Variants in PCLO observed in about 807,000 individuals in gnomAD.
The protein encoded by PCLO is piccolo presynaptic cytomatrix protein.
A neutral mutation model predicts 427.5 loss-of-function variants in PCLO; 82 were observed. The observed-to-expected ratio is 0.19, with a 90% CI of 0.16 to 0.23. PCLO has a LOEUF of 0.23. Among genes scored for constraint, PCLO ranks in the 10% least tolerant of loss-of-function variants. PCLO has a pLI of 1.00. For missense variants in PCLO, 6,239 were observed against 6,115.9 expected (o/e 1.02, Z -0.67); for synonymous variants, 2,357 against 2,155.4 (o/e 1.09, Z -2.59).
intron 22 of PCLO, among the ~76,000 whole-genome samples, chr7:82,767,195 G>C (rs138679861): frequency 3.3e-5 from 5 of 152,216 alleles, no homozygotes; most frequent in Non-Finnish European, 4.4e-5. Context: ...TTTATAATTT[G>C]GTTTGGATAA....
At chr7:83,037,078 G>C (rs1476704081) in intron 3 of PCLO, among the ~76,000 whole-genome samples, 1 of 152,066 alleles carries the variant, frequency 6.6e-6, no homozygotes, top group African/African-American at 2.4e-5. Context: ...GGAAAAACAG[G>C]AGTAGAAACA....
chr7:83,043,333 A>G (rs1421654786), intron 3 of PCLO, among the ~76,000 whole-genome samples: 1 of 152,204 alleles, frequency 6.6e-6, no homozygotes, highest in Non-Finnish European at 1.5e-5. Flanking sequence ...TTCAGTACAT[A>G]TAAATTCCTT....
chr7:83,012,338 C>A lies in PCLO; in HGVS notation c.3301-45851G>T, dbSNP rs370656895. On this transcript the variant is annotated intron_variant, in intron 3 of 24. Transcript: ENST00000333891. ...ATAATTGTTTTTAAGGAAAAGCCAG[C>A]CAGGTGCAGTGACTCATGCCTATAA... Among the ~76,000 whole-genome samples, 10 of 152,122 alleles carry A rather than the reference C, an allele frequency of 6.6e-5. No homozygotes were observed. In the East Asian group the frequency reaches 1.7e-3, roughly 27 times the overall value.
In PCLO at chr7:82,801,617, A is replaced by T. The variant is rs369680105; in HGVS notation, c.14934-26T>A. On this transcript the variant is annotated intron_variant, in intron 21 of 24. Coordinates refer to ENST00000333891, the MANE Select transcript of PCLO (RefSeq NM_033026.6). ...CTGTTTAGAAATAAAATAAAATGATATATTCAGTTATGATCTCATGAATGC... is the reference window on the plus strand; with the variant it reads ...CTGTTTAGAAATAAAATAAAATGATTTATTCAGTTATGATCTCATGAATGC... The T allele has an allele frequency of 2.9e-6, 4 of 1,365,860 alleles. No homozygotes were observed. The African/African-American group carries it at 5.7e-5, about 20-fold the overall frequency. The allele number at this position is 1,365,860 out of a possible 1,614,324, so 84.6% of individuals were successfully genotyped here.
rs529025905 is a variant in PCLO at position 82,777,552 on chromosome 7, A to G, written c.15008-16059T>C. 7.2e-5 allele frequency among the ~76,000 whole-genome samples: 11 copies of G among 152,302 alleles called. No homozygotes were observed. In the South Asian group the frequency reaches 2.3e-3, roughly 32 times the overall value. On this transcript the variant is annotated intron_variant, in intron 22 of 24. Coordinates refer to ENST00000333891, the MANE Select transcript of PCLO (RefSeq NM_033026.6). ...AACAGCATGGCACTGGTACAAACAC[A>G]TGGACCAATGGAACCGAATAGAGAG...
At chr7:82,927,766 T>C (rs1229530138) in intron 6 of PCLO, among the ~76,000 whole-genome samples, 2 of 152,202 alleles carry the variant, frequency 1.3e-5, no homozygotes, top group South Asian at 4.1e-4. Flanking sequence ...TAGGCACTTA[T>C]ATTGCATTCC....
rs201997147 is a variant in PCLO, at chr7:83,134,346, T to A, written c.3204A>T (p.Ile1068=). Residue 1068 remains isoleucine, a synonymous_variant, in exon 3 of 25, where the codon ATA becomes ATT. Transcript: ENST00000333891. ...TCPLCKTELN[I]GSKDPPNFNT... ...TGAAGTTAGGAGGATCCTTAGAACC[T>A]ATGTTGAGTTCAGTTTTGCAGAGAG... 3 of 1,612,554 alleles carry A rather than the reference T, an allele frequency of 1.9e-6. No individual in the cohort carries two copies. The African/African-American group carries it at 4.0e-5, about 22-fold the overall frequency.
chr7:82,851,390 G>T (rs1404648712), intron 10 of PCLO, among the ~76,000 whole-genome samples: 2 of 151,882 alleles, frequency 1.3e-5, no homozygotes, highest in Non-Finnish European at 2.9e-5. Context: ...AAACAAGTGA[G>T]AAACAGGATC....
Position 82,967,197 on chromosome 7 carries a change from C to CTTT in PCLO, c.3301-713_3301-711dup, listed in dbSNP as rs766172385. On this transcript the variant is annotated intron_variant, in intron 3 of 24. Coordinates refer to ENST00000333891, the MANE Select transcript of PCLO (RefSeq NM_033026.6). ...ACTAAAACATTTTCTTTCTTCTTTT[C>CTTT]TTTTTTTTTTTTTTTTTGCCCAGGC... is the stretch of plus-strand genomic sequence containing the variant. Among the ~76,000 whole-genome samples the CTTT allele has an allele frequency of 2.3e-3, 300 of 133,176 alleles. 1 individual carries two copies. Among genetic ancestry groups the CTTT allele is most frequent in the African/African-American group, 7.5e-3 (283 of 37,624 alleles). The allele number at this position is 133,176 out of a possible 152,430, so 87.4% of individuals were successfully genotyped here. A position where few individuals can be genotyped will look rare whatever the true frequency, so the allele number is the denominator to read the frequency against.
chr7:82,918,912 C>T (rs1041857646), intron 6 of PCLO, among the ~76,000 whole-genome samples: 30 of 151,968 alleles, frequency 2.0e-4, no homozygotes, highest in African/African-American at 6.8e-4. Context: ...AATATAACCA[C>T]TGATAACATT....
At chr7:83,127,191 G>A (rs549716971) in intron 3 of PCLO, among the ~76,000 whole-genome samples, 3 of 151,938 alleles carry the variant, frequency 2.0e-5, no homozygotes, top group South Asian at 2.1e-4. Context: ...TAAATACAAC[G>A]ATACCTTATA....
intron 3 of PCLO, among the ~76,000 whole-genome samples, chr7:83,088,502 C>T (rs994890933): frequency 6.6e-6 from 1 of 152,262 alleles, no homozygotes; most frequent in African/African-American, 2.4e-5. Flanking sequence ...TTGTTTCTAT[C>T]GATGTTTCCA....
intron 8 of PCLO, among the ~76,000 whole-genome samples, chr7:82,905,616 G>A (rs1267824312): frequency 2.0e-5 from 3 of 151,982 alleles, no homozygotes; most frequent in Non-Finnish European, 2.9e-5. Context: ...AGTGTCAGGG[G>A]AGTCTTCTTG....
intron 22 of PCLO, among the ~76,000 whole-genome samples, chr7:82,777,993 A>C (rs1350858806): frequency 6.6e-6 from 1 of 152,210 alleles, no homozygotes; most frequent in Non-Finnish European, 1.5e-5. Context: ...AATGGGAGAA[A>C]ATTTTTGCAA....
chr7:83,047,472 G>A (rs925324791), intron 3 of PCLO, among the ~76,000 whole-genome samples: 1 of 151,878 alleles, frequency 6.6e-6, no homozygotes, highest in African/African-American at 2.4e-5. Context: ...AGATACTGGA[G>A]ATATTTTACA....
At chr7:82,887,352 T>G (rs2116093055) in intron 9 of PCLO, among the ~76,000 whole-genome samples, 1 of 152,304 alleles carries the variant, frequency 6.6e-6, no homozygotes, top group Middle Eastern at 3.4e-3. Context: ...TCCTTACTCC[T>G]TTATTGAATC....
chr7:83,125,204 C>CCCGG (rs1415263000), intron 3 of PCLO, among the ~76,000 whole-genome samples: 25 of 152,130 alleles, frequency 1.6e-4, no homozygotes, highest in Non-Finnish European at 1.5e-4. Flanking sequence ...AGCCTCTCTG[C>CCCGG]CCGGCCGCCC....
chr7:83,105,282 A>G (rs574024429), intron 3 of PCLO, among the ~76,000 whole-genome samples: 1 of 152,220 alleles, frequency 6.6e-6, no homozygotes, highest in African/African-American at 2.4e-5. Flanking sequence ...TTCTCAAATC[A>G]GAATATCCTC....
At chr7:82,944,137 T>TAAAAAAAA (rs71096608) in intron 6 of PCLO, among the ~76,000 whole-genome samples, 1 of 33,910 alleles carries the variant, frequency 2.9e-5, no homozygotes, top group Non-Finnish European at 5.1e-5. Context: ...CAAGAATCCA[T>TAAAAAAAA]AAAAAAAAAA....
Sources: gnomAD v4.1 joint callset for allele counts (sites outside exome capture counted in the v4.1 genomes callset) on GRCh38, gnomAD v4.1.1 for gene constraint, MANE v1.5 for transcripts, NCBI Gene and HGNC (gene_info 2026-07-23, HGNC 2026-07-21) for gene names.